The following RERG variants were observed in gnomAD, a reference collection of about 807,000 sequenced individuals.
The protein encoded by RERG is RAS like estrogen regulated growth inhibitor, also known as ras-related and estrogen-regulated growth inhibitor.
A neutral mutation model predicts 23.2 loss-of-function variants in RERG; 25 were observed. The ratio of observed to expected loss-of-function variants is 1.08; its 90% CI spans 0.79 to 1.50. RERG has a LOEUF of 1.50. Ranked by LOEUF, RERG falls within the 40% of genes most tolerant of loss-of-function variation. The probability of loss-of-function intolerance (pLI) is 0.00; values close to 1 mark genes in which losing one functional copy is unlikely to be tolerated. For missense variants in RERG, 253 were observed against 250.1 expected, an observed-to-expected ratio of 1.01 and a Z score of -0.08; for synonymous variants, 81 against 89.1, an observed-to-expected ratio of 0.91 and a Z score of 0.51.
intron 2 of RERG, among the ~76,000 whole-genome samples, chr12:15,133,540 G>T (rs78111581): frequency 0.05 from 7,663 of 152,090 alleles, 299 homozygotes; most frequent in African/African-American, 0.1. Context: ...ATGAATAAAA[G>T]TTCTACAAAT....
chr12:15,192,434 C>T (rs1396013273), intron 2 of RERG, among the ~76,000 whole-genome samples: 1 of 152,090 alleles, frequency 6.6e-6, no homozygotes. Flanking sequence ...TATTTTTTTA[C>T]AGGGTTAAAA....
Position 15,121,133 on chromosome 12 carries a change from G to C in RERG, c.62-14C>G. 1 of 1,609,024 alleles carries C rather than the reference G, an allele frequency of 6.2e-7. No homozygotes were observed. The highest frequency in any genetic ancestry group is 8.5e-7 in the Non-Finnish European group (1 of 1,176,080). On this transcript the variant is annotated splice_polypyrimidine_tract_variant and intron_variant, in intron 2 of 4. Transcript: ENST00000256953. ...TCACTACAAGAGCTGTGGAAGAAAA[G>C]AGCAACATTTCAAAAAATAATTTGT...
intron 2 of RERG, among the ~76,000 whole-genome samples, chr12:15,138,612 C>G (rs568633629): frequency 6.6e-6 from 1 of 151,958 alleles, no homozygotes; most frequent in East Asian, 1.9e-4. Flanking sequence ...TACTTTTTTC[C>G]AGTAGAGACT....
intron 2 of RERG, among the ~76,000 whole-genome samples, chr12:15,178,872 A>T (rs1216055363): frequency 4.6e-5 from 7 of 152,208 alleles, no homozygotes; most frequent in Non-Finnish European, 1.0e-4. Context: ...TGGAGTTACA[A>T]CTGTGTTAAA....
intron 2 of RERG, among the ~76,000 whole-genome samples, chr12:15,135,533 A>C (rs978816167): frequency 2.6e-5 from 4 of 152,188 alleles, no homozygotes; most frequent in African/African-American, 9.7e-5. Flanking sequence ...AAGGTTAGCT[A>C]TAAGTTTCTT....
chr12:15,200,795 T>C (rs1360112662), intron 2 of RERG, among the ~76,000 whole-genome samples: 1 of 152,006 alleles, frequency 6.6e-6, no homozygotes, highest in Non-Finnish European at 1.5e-5. Context: ...TTAGGACTTT[T>C]GTGTTTTTAA....
chr12:15,111,802 A>G (rs1412932253), intron 3 of RERG, among the ~76,000 whole-genome samples: 5 of 151,660 alleles, frequency 3.3e-5, no homozygotes, highest in Non-Finnish European at 5.9e-5. Context: ...CAGCCTCCCA[A>G]GTAGCTGGGA....
chr12:15,115,714 T>C (rs1863707656), intron 3 of RERG, among the ~76,000 whole-genome samples: 1 of 152,186 alleles, frequency 6.6e-6, no homozygotes, highest in East Asian at 1.9e-4. Context: ...ATTTTTTCTA[T>C]CTACCTCATG....
chr12:15,214,041 CGT>C (rs1565540012), intron 2 of RERG, among the ~76,000 whole-genome samples: 1 of 66,708 alleles, frequency 1.5e-5, no homozygotes, highest in East Asian at 3.5e-4. Context: ...TGTGTGTGCG[CGT>C]GTGTGGAGTT....
chr12:15,221,077 GGGA>G (rs1165545418), intron 1 of RERG, 115 bp downstream of exon 1: 2 of 152,208 alleles, frequency 1.3e-5, no homozygotes, highest in African/African-American at 2.4e-5. Context: ...AAGCCGCCCT[GGGA>G]GGAGAACCCG....
intron 2 of RERG, among the ~76,000 whole-genome samples, chr12:15,169,645 T>C (rs999005042): frequency 1.3e-5 from 2 of 152,220 alleles, no homozygotes; most frequent in Non-Finnish European, 2.9e-5. Flanking sequence ...CAGTTCCTTA[T>C]AATAAATCTA....
At chr12:15,111,282 T>C (rs1863608480) in intron 4 of RERG, 62 bp downstream of exon 4, 2 of 1,334,374 alleles carry the variant, frequency 1.5e-6, no homozygotes, top group Non-Finnish European at 2.1e-6. Context: ...TTTTTGTTCA[T>C]AGCATAGATT....
chr12:15,119,877 T>C (rs1485776731), intron 3 of RERG, among the ~76,000 whole-genome samples: 1 of 152,190 alleles, frequency 6.6e-6, no homozygotes, highest in African/African-American at 2.4e-5. Context: ...AAAAATCAAC[T>C]GAACAGAGTA....
At chr12:15,168,433 G>A (rs1332587016) in intron 2 of RERG, among the ~76,000 whole-genome samples, 2 of 152,166 alleles carry the variant, frequency 1.3e-5, no homozygotes, top group African/African-American at 4.8e-5. Flanking sequence ...TTGAAATGGG[G>A]CCAATAATCT....
intron 3 of RERG, among the ~76,000 whole-genome samples, chr12:15,113,318 C>A (rs1047199838): frequency 6.6e-6 from 1 of 151,782 alleles, no homozygotes; most frequent in African/African-American, 2.4e-5. Flanking sequence ...GAAAAAACAT[C>A]ATGAAAAAGA....
chr12:15,162,347 C>T (rs1864627504), intron 2 of RERG, among the ~76,000 whole-genome samples: 1 of 152,162 alleles, frequency 6.6e-6, no homozygotes, highest in African/African-American at 2.4e-5. Context: ...TCAAATATTC[C>T]AATGTATCAG....
Position 15,182,088 on chromosome 12 carries a change from C to T in RERG, c.61+35341G>A, listed in dbSNP as rs148771880. Among the ~76,000 whole-genome samples, 419 of 124,594 alleles carry T rather than the reference C, an allele frequency of 3.4e-3. 15 individuals are homozygous for T. The East Asian group carries it at 0.086, about 26-fold the overall frequency. The allele number at this position is 124,594 out of a possible 152,430, so 81.7% of individuals were successfully genotyped here. On this transcript the variant is annotated intron_variant, in intron 2 of 4. Transcript: ENST00000256953. ...TTTTTTTTTTTTTGAGATGGAGTTT[C>T]GCTGTTGTTGCCCAGGCTGGAGTGC...
intron 2 of RERG, among the ~76,000 whole-genome samples, chr12:15,215,352 A>G (rs996760435): frequency 2.0e-5 from 3 of 152,166 alleles, no homozygotes; most frequent in Non-Finnish European, 4.4e-5. Flanking sequence ...CAACTTTGAG[A>G]AGTGCGCAGA....
chr12:15,136,821 G>A (rs1864151629), intron 2 of RERG, among the ~76,000 whole-genome samples: 1 of 151,862 alleles, frequency 6.6e-6, no homozygotes, highest in Admixed American at 6.6e-5. Flanking sequence ...CTAGAACGTG[G>A]TCTATCTTAT....
Sources: allele counts gnomAD v4.1 joint callset (sites outside exome capture counted in the v4.1 genomes callset), GRCh38; gene constraint gnomAD v4.1.1; transcripts MANE v1.5; gene names NCBI Gene and HGNC (gene_info 2026-07-23, HGNC 2026-07-21).